The following BAIAP2L2 variants were observed in gnomAD, a reference collection of about 807,000 sequenced individuals.
The protein encoded by BAIAP2L2 is BAR/IMD domain containing adaptor protein 2 like 2, also known as BAR/IMD domain-containing adapter protein 2-like 2.
In BAIAP2L2, 65 loss-of-function variants were observed where a neutral mutation model predicts 60.4. The observed-to-expected ratio is 1.08, with a 90% confidence interval of 0.88 to 1.32. The LOEUF (loss-of-function observed/expected upper bound fraction) is 1.32, where lower values mean the gene tolerates loss of function less well. Ranked by LOEUF, BAIAP2L2 falls within the 40% of genes most tolerant of loss-of-function variation. The probability of loss-of-function intolerance (pLI) is 0.00; values close to 1 mark genes in which losing one functional copy is unlikely to be tolerated. For synonymous variants in BAIAP2L2, 344 were observed against 301.7 expected (o/e 1.14, Z -1.45); for missense variants, 836 against 741.2 (o/e 1.13, Z -1.48).
chr22:38,107,665 A>G (rs1191122073), intron 4 of BAIAP2L2, among the ~76,000 whole-genome samples, 187 bp downstream of exon 4: 4 of 152,142 alleles, frequency 2.6e-5, no homozygotes, highest in Non-Finnish European at 5.9e-5. Context: ...AAATGCCACC[A>G]GCCTCCTAGG....
intron 7 of BAIAP2L2, among the ~76,000 whole-genome samples, chr22:38,094,877 C>T (rs571332116): frequency 2.0e-5 from 3 of 152,064 alleles, no homozygotes; most frequent in South Asian, 4.2e-4. Context: ...CAGGACCGGG[C>T]GTGGTGGCTC....
chr22:38,110,940 C>T (rs903130110), upstream of BAIAP2L2, among the ~76,000 whole-genome samples: 3 of 152,162 alleles, frequency 2.0e-5, no homozygotes, highest in African/African-American at 7.2e-5. Context: ...ACTGGGCGGG[C>T]GCTGCCCGAT....
rs986653935 is a variant in BAIAP2L2, at chr22:38,107,762, G to A, written c.276+90C>T. The stretch of plus-strand genomic sequence containing the variant: ...AGGGCAGCCACGGTCATCCTCCCTG[G>A]GAAGGGCATCTGGTAGGCTGGGCCC... On this transcript the variant is annotated intron_variant, in intron 4 of 13. Transcript: ENST00000381669. 2.0e-5 allele frequency: 25 copies of A among 1,266,072 alleles called. No homozygotes were observed. The South Asian group carries it at 3.1e-4, about 15-fold the overall frequency. The allele number at this position is 1,266,072 out of a possible 1,614,324, so 78.4% of individuals were successfully genotyped here.
At chr22:38,092,828 C>T (rs536579265) in intron 7 of BAIAP2L2, among the ~76,000 whole-genome samples, 10 of 151,756 alleles carry the variant, frequency 6.6e-5, no homozygotes, top group Non-Finnish European at 1.0e-4. Context: ...CTGTACCCCA[C>T]GGTAATGAGT....
intron 4 of BAIAP2L2, among the ~76,000 whole-genome samples, chr22:38,104,813 TAA>T (rs1455110236): frequency 2.0e-5 from 3 of 151,894 alleles, no homozygotes; most frequent in Non-Finnish European, 4.4e-5. Flanking sequence ...TTTTTTTTTT[TAA>T]GAGTGAAACC....
At chr22:38,094,821 GGGCGTGGGAGGCGTGGGA>G (rs146521441) in intron 7 of BAIAP2L2, among the ~76,000 whole-genome samples, 1 of 150,268 alleles carries the variant, frequency 6.7e-6, no homozygotes, top group Non-Finnish European at 1.5e-5. Flanking sequence ...GACTCGGGGA[GGGCGTGGGAGGCGTGGGA>G]GGCGTGGGAG....
At position 38,088,868 on chromosome 22, in the gene BAIAP2L2, A is replaced by G. The variant is rs2145942306; in HGVS notation, c.998T>C (p.Val333Ala). Residue 333 changes from valine (V) to alanine (A), a missense_variant, in exon 10 of 14, where the codon GTC (valine) becomes GCC (alanine). By Grantham distance (64) the Val-to-Ala change is moderately conservative. Coordinates refer to ENST00000381669, the MANE Select transcript of BAIAP2L2 (RefSeq NM_025045.6). Reference sequence around the variant, plus strand: ...GTGGTTGGCGCCCTCCGAGTGGGAGACCAGGGCGCGGACTCTCCTGGCGCC... The same window carrying G: ...GTGGTTGGCGCCCTCCGAGTGGGAGGCCAGGGCGCGGACTCTCCTGGCGCC... ...GGGARRVRAL[V>A]SHSEGANHTL... is the part of the protein sequence containing the mutation. 1 of 1,593,638 alleles carries G rather than the reference A, an allele frequency of 6.3e-7. No individual in the cohort carries two copies. The highest frequency in any genetic ancestry group is 2.2e-5 in the East Asian group (1 of 44,594).
rs910356747 is a variant in BAIAP2L2, at chr22:38,085,160, G to A, written c.*140C>T. On this transcript the variant is annotated 3_prime_UTR_variant, in exon 14 of 14. Transcript: ENST00000381669. The stretch of plus-strand genomic sequence containing the variant: ...TGCTTTGGAGCTGCTCAGGCTGCCG[G>A]GGTGGTCTGGGGAGGGCAGCCACCC... The A allele has an allele frequency of 1.2e-5, 10 of 809,454 alleles. No individual in the cohort carries two copies. Among genetic ancestry groups the A allele is most frequent in the Non-Finnish European group, 2.0e-5 (10 of 507,676 alleles). The allele number at this position is 809,454 out of a possible 1,614,324, so 50.1% of individuals were successfully genotyped here.
At position 38,089,369 on chromosome 22, in the gene BAIAP2L2, G is replaced by A. The variant is rs2086218196; in HGVS notation, c.766-138C>T. On this transcript the variant is annotated intron_variant, in intron 8 of 13. Transcript: ENST00000381669. ...GGAGACCGGGCCACCACGGGGGCGC[G>A]GAGAACGCGCCGGGGCGGAAGGGCA... 21 of 571,548 alleles carry A rather than the reference G, an allele frequency of 3.7e-5. No individual in the cohort carries two copies. In the South Asian group the frequency reaches 8.0e-4, roughly 22 times the overall value. 35.4% of individuals were successfully genotyped at this position (571,548 alleles called of 1,614,324 possible). A position where few individuals can be genotyped will look rare whatever the true frequency, so the allele number is the denominator to read the frequency against.
intron 7 of BAIAP2L2, among the ~76,000 whole-genome samples, chr22:38,092,023 CAT>C (rs2086316626): frequency 6.6e-6 from 1 of 152,154 alleles, no homozygotes; most frequent in Non-Finnish European, 1.5e-5. Flanking sequence ...CACAGAAACT[CAT>C]ACATCACTGA....
Position 38,086,444 on chromosome 22 carries a change from T to C in BAIAP2L2, c.1265A>G (p.Tyr422Cys), listed in dbSNP as rs937262722. ...GAGGCTGTGGCTGCCCCGGAGTGGG[T>C]AGGACCTAAGTCCAGAGAAAGGAGG... ...NPGNELPSRS[Y>C]PLRGSHSLDD... Residue 422 changes from tyrosine (Y) to cysteine (C), a missense_variant, in exon 12 of 14, where the codon TAC becomes TGC. Physicochemically the swap from Tyr to Cys is radical, Grantham distance 194 (BLOSUM62 -2). Transcript: ENST00000381669. The C allele has an allele frequency of 1.3e-6, 2 of 1,498,244 alleles. No individual in the cohort carries two copies. The highest frequency in any genetic ancestry group is 4.9e-5 in the East Asian group (2 of 40,430). 92.8% of individuals were successfully genotyped at this position (1,498,244 alleles called of 1,614,324 possible). A position where few individuals can be genotyped will look rare whatever the true frequency, so the allele number is the denominator to read the frequency against.
chr22:38,089,082 G>T lies in BAIAP2L2; in HGVS notation c.901+14C>A. ...CTCCCGGCCCTCCTGCCGCCCCGGG[G>T]CGGGGGCACTCACAGGCCGACGGCG... On this transcript the variant is annotated intron_variant, in intron 9 of 13. Transcript: ENST00000381669. The T allele has an allele frequency of 1.4e-6, 2 of 1,381,728 alleles. No individual in the cohort carries two copies. The highest frequency in any genetic ancestry group is 1.6e-5 in the South Asian group (1 of 61,588). 85.6% of individuals were successfully genotyped at this position (1,381,728 alleles called of 1,614,324 possible). A position where few individuals can be genotyped will look rare whatever the true frequency, so the allele number is the denominator to read the frequency against.
Position 38,108,329 on chromosome 22 carries a change from G to T in BAIAP2L2, c.140C>A (p.Ala47Glu), listed in dbSNP as rs370154603. Residue 47 changes from alanine to glutamate, a missense_variant, in exon 3 of 14, where the codon GCG becomes GAG. Coordinates refer to ENST00000381669, the MANE Select transcript of BAIAP2L2 (RefSeq NM_025045.6). ...YLRAFHALSEAAEVYFSAIQK... is the reference protein window; with the variant it reads ...YLRAFHALSEEAEVYFSAIQK... Reference sequence around the variant, plus strand: ...GATGGCACTGAAGTAGACCTCGGCCGCCTCGGACAGAGCTGTGGACCAGAA... The same window carrying T: ...GATGGCACTGAAGTAGACCTCGGCCTCCTCGGACAGAGCTGTGGACCAGAA... 6.8e-6 allele frequency: 11 copies of T among 1,612,196 alleles called. No individual in the cohort carries two copies. In the African/African-American group the frequency reaches 1.3e-4, roughly 20 times the overall value.
At position 38,090,108 on chromosome 22, in the gene BAIAP2L2, T is replaced by TA. The variant is rs1227679638; in HGVS notation, c.613-435_613-434insT. On this transcript the variant is annotated intron_variant, in intron 7 of 13. Coordinates refer to ENST00000381669, the MANE Select transcript of BAIAP2L2 (RefSeq NM_025045.6). Reference sequence around the variant, plus strand: ...ACACTATGGAAAATGCATTTTTTTTTTTTTTTTTTTTTTTTTTTTTTAGAC... The same window carrying TA: ...ACACTATGGAAAATGCATTTTTTTTTATTTTTTTTTTTTTTTTTTTTTAGAC... 14 of 62,350 alleles carry TA rather than the reference T, an allele frequency of 2.2e-4. 1 individual carries two copies. Among genetic ancestry groups the TA allele is most frequent in the Admixed American group, 1.7e-3 (8 of 4,830 alleles). 3.9% of individuals were successfully genotyped at this position (62,350 alleles called of 1,614,324 possible).
intron 7 of BAIAP2L2, among the ~76,000 whole-genome samples, chr22:38,094,211 G>A (rs769529762): frequency 2.6e-5 from 4 of 151,694 alleles, no homozygotes; most frequent in Non-Finnish European, 5.9e-5. Flanking sequence ...TTTTTGAGAC[G>A]GAATTTCGCT....
rs1484239468 is a variant in BAIAP2L2, at chr22:38,105,343, T to C, written c.276+2509A>G. ...TCCTTCAGCCCTTTTTCTTTTCTTT[T>C]TTTTTTTTTTTTTTTTGAGACAGAG... On this transcript the variant is annotated intron_variant, in intron 4 of 13. Transcript: ENST00000381669. Among the ~76,000 whole-genome samples the C allele has an allele frequency of 2.3e-4, 31 of 135,024 alleles. No homozygotes were observed. In the South Asian group the frequency reaches 3.0e-3, roughly 13 times the overall value. The allele number at this position is 135,024 out of a possible 152,430, so 88.6% of individuals were successfully genotyped here.
intron 4 of BAIAP2L2, among the ~76,000 whole-genome samples, chr22:38,101,371 TAAAAAAAAAA>T (rs529893934): frequency 2.5e-5 from 2 of 80,752 alleles, no homozygotes; most frequent in African/African-American, 1.1e-4. Flanking sequence ...TGTCTCTACA[TAAAAAAAAAA>T]AAAAAAAAAA....
chr22:38,093,273 G>A (rs1378345785), intron 7 of BAIAP2L2, among the ~76,000 whole-genome samples: 1 of 152,216 alleles, frequency 6.6e-6, no homozygotes, highest in Non-Finnish European at 1.5e-5. Flanking sequence ...GCTTCTAGAG[G>A]CTTCGCCAGG....
intron 4 of BAIAP2L2, among the ~76,000 whole-genome samples, chr22:38,106,201 TG>T (rs1433527939): frequency 2.0e-5 from 3 of 152,144 alleles, no homozygotes; most frequent in East Asian, 1.9e-4. Context: ...TGTGTGTGCG[TG>T]GGATGTGCAT....
Sources: gnomAD v4.1 joint callset for allele counts (sites outside exome capture counted in the v4.1 genomes callset) on GRCh38, gnomAD v4.1.1 for gene constraint, MANE v1.5 for transcripts, NCBI Gene and HGNC (gene_info 2026-07-23, HGNC 2026-07-21) for gene names.